Variants in IL1RAPL1 observed in about 807,000 individuals in gnomAD.
IL1RAPL1 encodes the protein interleukin-1 receptor accessory protein-like 1.
A neutral mutation model predicts 48.4 loss-of-function variants in IL1RAPL1; 3 were observed. The observed-to-expected ratio is 0.06, with a 90% CI of 0.03 to 0.16. The LOEUF is 0.16. Among genes scored for constraint, IL1RAPL1 ranks in the 10% least tolerant of loss-of-function variants. IL1RAPL1 has a pLI of 1.00. For synonymous variants in IL1RAPL1, 185 were observed against 187.7 expected (o/e 0.99, Z 0.12); for missense variants, 349 against 530.6 (o/e 0.66, Z 3.36).
At chrX:29,799,334 C>CTATATATATATATATA (rs1474241919) in intron 6 of IL1RAPL1, among the ~76,000 whole-genome samples, 1 of 111,973 alleles carries the variant, frequency 8.9e-6, no homozygotes, top group Admixed American at 9.5e-5. Context: ...ATAGCTTCTT[C>CTATATATATATATATA]TATATAATTT....
At chrX:28,711,717 C>T (rs1414148668) in intron 1 of IL1RAPL1, among the ~76,000 whole-genome samples, 1 of 105,646 alleles carries the variant, frequency 9.5e-6, no homozygotes, top group Non-Finnish European at 1.9e-5. Context: ...TAATATATAA[C>T]TGTATTTTTA....
At chrX:29,226,069 G>A (rs1391055837) in intron 2 of IL1RAPL1, among the ~76,000 whole-genome samples, 1 of 111,663 alleles carries the variant, frequency 9.0e-6, no homozygotes, top group Non-Finnish European at 1.9e-5. Flanking sequence ...CTGTTACACT[G>A]ATAGGAAAGA....
intron 5 of IL1RAPL1, among the ~76,000 whole-genome samples, chrX:29,559,236 G>T (rs971377946): frequency 2.7e-5 from 3 of 111,541 alleles, no homozygotes; most frequent in Non-Finnish European, 5.7e-5. Flanking sequence ...TTCTGTTGTG[G>T]AATTTTGCAT....
rs745758372 is a variant in IL1RAPL1, at chrX:29,282,805, C to G, written c.83-133C>G. On this transcript the variant is annotated intron_variant, in intron 2 of 10. Coordinates refer to ENST00000378993, the MANE Select transcript of IL1RAPL1 (RefSeq NM_014271.4). ...TCAGTTTGATTCATTGCTATGTGCT[C>G]TGTGCCTAGAATAAAATCTGACCCA... 3.7e-5 allele frequency: 23 copies of G among 624,320 alleles called. No homozygotes were observed. The South Asian group carries it at 6.1e-4, about 16-fold the overall frequency. The allele number at this position is 624,320 out of a possible 1,213,427, so 51.5% of individuals were successfully genotyped here. A position where few individuals can be genotyped will look rare whatever the true frequency, so the allele number is the denominator to read the frequency against.
At chrX:29,884,267 C>G (rs1161903536) in intron 6 of IL1RAPL1, among the ~76,000 whole-genome samples, 1 of 111,464 alleles carries the variant, frequency 9.0e-6, no homozygotes, top group African/African-American at 3.3e-5. Flanking sequence ...ATGTAATACA[C>G]AATAGGTAGC....
At chrX:29,109,653 G>A (rs1928521681) in intron 2 of IL1RAPL1, among the ~76,000 whole-genome samples, 1 of 110,733 alleles carries the variant, frequency 9.0e-6, no homozygotes, top group Non-Finnish European at 1.9e-5. Context: ...TGCTGGAGTT[G>A]TGGACATTGA....
At chrX:29,410,804 T>A (rs1934134359) in intron 5 of IL1RAPL1, among the ~76,000 whole-genome samples, 1 of 112,585 alleles carries the variant, frequency 8.9e-6, no homozygotes, top group Non-Finnish European at 1.9e-5. Flanking sequence ...CATAATTTTA[T>A]GAATATCAAA....
At chrX:29,579,711 G>A (rs56377722) in intron 5 of IL1RAPL1, among the ~76,000 whole-genome samples, 15,196 of 110,879 alleles carry the variant, frequency 0.14, 1,235 homozygotes, top group African/African-American at 0.29. Context: ...TGTACTTTAT[G>A]CTTTAAATGA....
chrX:29,475,955 TAGAA>T (rs1319201604), intron 5 of IL1RAPL1, among the ~76,000 whole-genome samples: 7 of 111,642 alleles, frequency 6.3e-5, no homozygotes, highest in Middle Eastern at 4.6e-3. Context: ...TTAGTTTCAT[TAGAA>T]AGAAAGAGAA....
At chrX:29,271,311 G>C (rs2147591918) in intron 2 of IL1RAPL1, among the ~76,000 whole-genome samples, 1 of 112,066 alleles carries the variant, frequency 8.9e-6, no homozygotes, top group African/African-American at 3.2e-5. Flanking sequence ...TGTGAATAGT[G>C]CTGCGATGAA....
At chrX:29,217,773 TCTCTCACACA>T (rs768122951) in intron 2 of IL1RAPL1, among the ~76,000 whole-genome samples, 7,708 of 70,557 alleles carry the variant, frequency 0.11, 447 homozygotes, top group East Asian at 0.31. Flanking sequence ...TCTCTCTCTC[TCTCTCACACA>T]CACACACACA....
chrX:29,783,784 A>T (rs943813690), intron 6 of IL1RAPL1, among the ~76,000 whole-genome samples: 4 of 112,330 alleles, frequency 3.6e-5, no homozygotes, highest in African/African-American at 1.3e-4. Context: ...AAATGTGAGC[A>T]ATCTCATGCT....
intron 2 of IL1RAPL1, among the ~76,000 whole-genome samples, chrX:29,160,316 T>A (rs1929656978): frequency 8.9e-6 from 1 of 111,949 alleles, no homozygotes; most frequent in South Asian, 3.7e-4. Context: ...TTATGTTTGT[T>A]ATTTTTATAA....
At chrX:29,495,076 A>G (rs16988595) in intron 5 of IL1RAPL1, among the ~76,000 whole-genome samples, 9,307 of 111,869 alleles carry the variant, frequency 0.083, 976 homozygotes, top group African/African-American at 0.29. Context: ...ACTCCAAATT[A>G]TAGTCATTGA....
At chrX:28,933,324 A>G (rs377542799) in intron 2 of IL1RAPL1, among the ~76,000 whole-genome samples, 20 of 111,617 alleles carry the variant, frequency 1.8e-4, no homozygotes, top group African/African-American at 4.9e-4. Flanking sequence ...CTCAGTGGCC[A>G]TCATGATATC....
At position 29,142,744 on chromosome X, in the gene IL1RAPL1, A is replaced by T. The variant is rs1020589070; in HGVS notation, c.83-140194A>T. On this transcript the variant is annotated intron_variant, in intron 2 of 10. Coordinates refer to ENST00000378993, the MANE Select transcript of IL1RAPL1 (RefSeq NM_014271.4). ...CAGTCTTGCTCTTGCTCTGTTGCCC[A>T]GGCTGGAGTGCAGTGGCACTATCTT... Among the ~76,000 whole-genome samples the T allele has an allele frequency of 3.7e-5, 4 of 109,156 alleles. No homozygotes were observed. In the Admixed American group the frequency reaches 3.9e-4, roughly 11 times the overall value. 94.8% of individuals were successfully genotyped at this position (109,156 alleles called of 115,157 possible). A position where few individuals can be genotyped will look rare whatever the true frequency, so the allele number is the denominator to read the frequency against.
chrX:29,135,881 C>T (rs967214005), intron 2 of IL1RAPL1, among the ~76,000 whole-genome samples: 13 of 109,669 alleles, frequency 1.2e-4, no homozygotes, highest in African/African-American at 4.0e-4. Flanking sequence ...ACTACAGGCA[C>T]ACACGCCACC....
At chrX:28,652,278 G>T (rs1483791617) in intron 1 of IL1RAPL1, among the ~76,000 whole-genome samples, 1 of 110,987 alleles carries the variant, frequency 9.0e-6, no homozygotes, top group Middle Eastern at 4.6e-3. Flanking sequence ...TCGCGGATAG[G>T]AGCAGGATTT....
chrX:28,991,843 C>T (rs1486411225), intron 2 of IL1RAPL1, among the ~76,000 whole-genome samples: 2 of 112,086 alleles, frequency 1.8e-5, no homozygotes, highest in Non-Finnish European at 3.8e-5. Flanking sequence ...ACTTTTGTTT[C>T]ACAATTATTT....
Sources: gnomAD v4.1 joint callset for allele counts (sites outside exome capture counted in the v4.1 genomes callset) on GRCh38, gnomAD v4.1.1 for gene constraint, MANE v1.5 for transcripts, NCBI Gene and HGNC (gene_info 2026-07-23, HGNC 2026-07-21) for gene names.